The following SHANK2 variants were observed in gnomAD, a reference collection of about 807,000 sequenced individuals.
The protein encoded by SHANK2 is SH3 and multiple ankyrin repeat domains protein 2.
A neutral mutation model predicts 133.7 loss-of-function variants in SHANK2; 43 were observed. That is an observed-to-expected ratio of 0.32 (90% CI 0.25 to 0.41). The LOEUF is 0.41. SHANK2 is among the 10% of genes least tolerant of loss of function. The pLI is 1.00. For synonymous variants in SHANK2, 1,017 were observed against 952.8 expected (o/e 1.07, Z -1.24); for missense variants, 1,994 against 2,235.8 (o/e 0.89, Z 2.18).
At chr11:70,909,690 C>T (rs1950160309) in intron 10 of SHANK2, among the ~76,000 whole-genome samples, 1 of 152,138 alleles carries the variant, frequency 6.6e-6, no homozygotes, top group East Asian at 1.9e-4. Context: ...CTTTGTGTGG[C>T]TCTAACTACA....
chr11:71,148,518 G>A (rs1487421635), intron 2 of SHANK2, among the ~76,000 whole-genome samples: 1 of 152,244 alleles, frequency 6.6e-6, no homozygotes, highest in Non-Finnish European at 1.5e-5. Context: ...TTGACCCAGG[G>A]ATGGCAGGGA....
intron 17 of SHANK2, among the ~76,000 whole-genome samples, chr11:70,629,325 C>T (rs1369628896): frequency 5.9e-5 from 9 of 152,192 alleles, no homozygotes; most frequent in African/African-American, 1.9e-4. Flanking sequence ...CTGAAACCGC[C>T]TCTTTCGAAC....
At chr11:70,552,532 C>T (rs1282976667) in intron 17 of SHANK2, among the ~76,000 whole-genome samples, 1 of 152,240 alleles carries the variant, frequency 6.6e-6, no homozygotes, top group Non-Finnish European at 1.5e-5. Context: ...ATTTCCCAGG[C>T]TCTAATCTCC....
intron 2 of SHANK2, among the ~76,000 whole-genome samples, chr11:71,221,608 A>C (rs1038188715): frequency 2.0e-5 from 3 of 152,220 alleles, no homozygotes; most frequent in African/African-American, 7.2e-5. Flanking sequence ...AAATTCATCT[A>C]ATCTAGTGTC....
At chr11:70,735,017 C>T (rs1007477501) in intron 14 of SHANK2, among the ~76,000 whole-genome samples, 2 of 152,188 alleles carry the variant, frequency 1.3e-5, no homozygotes, top group African/African-American at 4.8e-5. Flanking sequence ...CATCTGTGCT[C>T]TGTGAGGCCA....
intron 6 of SHANK2, among the ~76,000 whole-genome samples, chr11:71,103,053 C>T (rs370535526): frequency 1.3e-5 from 2 of 152,240 alleles, no homozygotes; most frequent in East Asian, 1.9e-4. Flanking sequence ...TGTAAGGGCA[C>T]TAATCCCATT....
chr11:70,698,622 A>C (rs1224220604), intron 15 of SHANK2, 66 bp downstream of exon 15: 2 of 717,850 alleles, frequency 2.8e-6, no homozygotes, highest in African/African-American at 3.5e-5. Context: ...GATGGTCCAA[A>C]GCATTTGCAG....
At chr11:70,673,884 A>G (rs547083946) in intron 15 of SHANK2, among the ~76,000 whole-genome samples, 114 of 152,330 alleles carry the variant, frequency 7.5e-4, no homozygotes, top group African/African-American at 2.6e-3. Flanking sequence ...GCAGTTGTAA[A>G]AACAGTTAAA....
At chr11:70,874,762 G>T (rs1949529864) in intron 11 of SHANK2, among the ~76,000 whole-genome samples, 1 of 151,560 alleles carries the variant, frequency 6.6e-6, no homozygotes, top group African/African-American at 2.4e-5. Flanking sequence ...AACTCCGAGT[G>T]GCTACCTAGA....
intron 12 of SHANK2, among the ~76,000 whole-genome samples, chr11:70,808,057 A>G (rs1454196489): frequency 1.3e-5 from 2 of 152,252 alleles, no homozygotes; most frequent in Non-Finnish European, 1.5e-5. Context: ...TTGGTTTCAC[A>G]AGATGAGAAG....
intron 14 of SHANK2, among the ~76,000 whole-genome samples, chr11:70,788,181 AG>A (rs782619227): frequency 8.5e-5 from 13 of 152,136 alleles, no homozygotes; most frequent in Non-Finnish European, 1.8e-4. Context: ...CCAAGAGGAC[AG>A]GTCCCCCACC....
chr11:71,092,697 AC>A, intron 7 of SHANK2, 108 bp from the exon 8 acceptor site: 1 of 1,074,276 alleles, frequency 9.3e-7, no homozygotes, highest in Non-Finnish European at 1.3e-6. Context: ...GGTCAAGGCA[AC>A]CCACACCCTG....
At chr11:70,908,993 C>G (rs782226137) in intron 10 of SHANK2, among the ~76,000 whole-genome samples, 2 of 152,220 alleles carry the variant, frequency 1.3e-5, no homozygotes, top group African/African-American at 2.4e-5. Flanking sequence ...CTGTGAAATA[C>G]GTATGGCAGT....
chr11:70,944,665 C>G (rs906519608), intron 10 of SHANK2, among the ~76,000 whole-genome samples: 19 of 152,104 alleles, frequency 1.2e-4, no homozygotes, highest in African/African-American at 4.6e-4. Context: ...CTTTTAGGAC[C>G]TCCATCCTGC....
At chr11:71,106,961 A>G (rs573484531) in intron 6 of SHANK2, among the ~76,000 whole-genome samples, 45 of 150,880 alleles carry the variant, frequency 3.0e-4, no homozygotes, top group African/African-American at 1.1e-3. Flanking sequence ...CCGTCTCTAC[A>G]AAGAATACCT....
At position 70,658,879 on chromosome 11, in the gene SHANK2, T is replaced by C. The variant is rs1414545260; in HGVS notation, c.2061+949A>G. ...CACGTACCCACCCCTTCCACCTGCA[T>C]GTGGAGTTCTGATGTACACGAGGCT... is the stretch of plus-strand genomic sequence containing the variant. On this transcript the variant is annotated intron_variant, in intron 17 of 25. Coordinates refer to ENST00000601538, the MANE Select transcript of SHANK2 (RefSeq NM_012309.5). Among the ~76,000 whole-genome samples, 7 of 152,310 alleles carry C rather than the reference T, an allele frequency of 4.6e-5. No individual in the cohort carries two copies. The East Asian group carries it at 1.3e-3, about 29-fold the overall frequency.
At chr11:70,889,724 G>A (rs1202889312) in intron 11 of SHANK2, among the ~76,000 whole-genome samples, 1 of 152,192 alleles carries the variant, frequency 6.6e-6, no homozygotes, top group Non-Finnish European at 1.5e-5. Context: ...TGGGCAGCGG[G>A]GGCCTCAGTG....
chr11:71,229,330 A>C (rs1954697607), intron 1 of SHANK2, among the ~76,000 whole-genome samples: 1 of 152,192 alleles, frequency 6.6e-6, no homozygotes, highest in Non-Finnish European at 1.5e-5. Flanking sequence ...AACAACCATA[A>C]AACCCCAAAA....
chr11:70,612,958 A>G (rs2060681361), intron 17 of SHANK2, among the ~76,000 whole-genome samples: 1 of 152,118 alleles, frequency 6.6e-6, no homozygotes, highest in Admixed American at 6.6e-5. Flanking sequence ...CGTGTGAGCA[A>G]CTCACGGCAT....
Sources: gnomAD v4.1 joint callset for allele counts (sites outside exome capture counted in the v4.1 genomes callset) on GRCh38, gnomAD v4.1.1 for gene constraint, MANE v1.5 for transcripts, NCBI Gene and HGNC (gene_info 2026-07-23, HGNC 2026-07-21) for gene names.